DESI2: variants seen among roughly 807,000 people sequenced by gnomAD.
The protein encoded by DESI2 is desumoylating isopeptidase 2.
In DESI2, 10 loss-of-function variants were observed where a neutral mutation model predicts 24.1. That is an observed-to-expected ratio of 0.41 (90% CI 0.26 to 0.70). The LOEUF (loss-of-function observed/expected upper bound fraction) is 0.70, where lower values mean the gene tolerates loss of function less well. DESI2 is among the 30% of genes least tolerant of loss of function. The pLI is 0.29. For missense variants in DESI2, 122 were observed against 234.9 expected (o/e 0.52, Z 3.14); for synonymous variants, 71 against 87.7 (o/e 0.81, Z 1.06).
At chr1:244,659,203 T>G (rs920546419) in intron 1 of DESI2, among the ~76,000 whole-genome samples, 7 of 145,074 alleles carry the variant, frequency 4.8e-5, no homozygotes, top group Admixed American at 1.4e-4. Flanking sequence ...GGGAAGGGGG[T>G]GGGGGAAGCT....
intron 1 of DESI2, among the ~76,000 whole-genome samples, chr1:244,680,510 T>G (rs1290098427): frequency 6.6e-6 from 1 of 152,176 alleles, no homozygotes; most frequent in African/African-American, 2.4e-5. Context: ...TATGGTTGTC[T>G]TCTGGTTTAA....
chr1:244,674,084 TC>T (rs769916885), intron 1 of DESI2, among the ~76,000 whole-genome samples: 2 of 136,340 alleles, frequency 1.5e-5, no homozygotes, highest in Non-Finnish European at 3.1e-5. Context: ...AACCTCCGCC[TC>T]CCAGGTTCAA....
intron 1 of DESI2, among the ~76,000 whole-genome samples, chr1:244,661,496 G>A (rs932313493): frequency 1.3e-5 from 2 of 151,964 alleles, no homozygotes; most frequent in Admixed American, 1.3e-4. Flanking sequence ...TGCCGTGTTG[G>A]TGTGCTGCAC....
intron 1 of DESI2, among the ~76,000 whole-genome samples, chr1:244,672,591 G>A (rs1676282565): frequency 1.3e-5 from 2 of 152,092 alleles, no homozygotes; most frequent in Admixed American, 1.3e-4. Context: ...AAAATTAATA[G>A]CAGTTGGCCA....
chr1:244,700,777 CA>C (rs953803701), intron 4 of DESI2, among the ~76,000 whole-genome samples: 1 of 152,138 alleles, frequency 6.6e-6, no homozygotes, highest in African/African-American at 2.4e-5. Flanking sequence ...CAACAAGAAA[CA>C]TAATTGCTCA....
In DESI2 at chr1:244,653,492, G is replaced by A. The variant is rs146926193; in HGVS notation, c.42+137G>A. ...CTAGTTCTCGGGGGAAGCCGGGGGT[G>A]AAGGAGGGAGTATTGTTATTTTTTA... On this transcript the variant is annotated intron_variant, in intron 1 of 4. Transcript: ENST00000302550. The A allele has an allele frequency of 2.6e-3, 2,055 of 780,966 alleles. 28 individuals are homozygous for A. The African/African-American group carries it at 0.032, about 12-fold the overall frequency. The allele number at this position is 780,966 out of a possible 1,614,324, so 48.4% of individuals were successfully genotyped here. A position where few individuals can be genotyped will look rare whatever the true frequency, so the allele number is the denominator to read the frequency against.
chr1:244,654,192 G>T (rs981584537), intron 1 of DESI2, among the ~76,000 whole-genome samples: 2 of 152,210 alleles, frequency 1.3e-5, no homozygotes, highest in Admixed American at 6.5e-5. Flanking sequence ...GAGAATTGTC[G>T]TTGCAGTTAG....
intron 1 of DESI2, among the ~76,000 whole-genome samples, chr1:244,679,586 T>TCGC (rs1309385196): frequency 1.3e-5 from 2 of 152,196 alleles, no homozygotes; most frequent in African/African-American, 4.8e-5. Context: ...GAAGACATTT[T>TCGC]CTGGCTTGGC....
Position 244,706,882 on chromosome 1 carries a change from A to G in DESI2, c.*1093A>G, listed in dbSNP as rs530290643. On this transcript the variant is annotated 3_prime_UTR_variant, in exon 5 of 5. Coordinates refer to ENST00000302550, the MANE Select transcript of DESI2 (RefSeq NM_016076.5). ...AGTCTCATTGACCAATCGTTAAAAA[A>G]TCATATTTGTGTGTCTTAAGATTCA... 1 of 152,764 alleles carries G rather than the reference A, an allele frequency of 6.5e-6. No homozygotes were observed. The highest frequency in any genetic ancestry group is 2.1e-4 in the South Asian group (1 of 4,826). 9.5% of individuals were successfully genotyped at this position (152,764 alleles called of 1,614,324 possible). A position where few individuals can be genotyped will look rare whatever the true frequency, so the allele number is the denominator to read the frequency against.
At chr1:244,657,375 C>G (rs1176772074) in intron 1 of DESI2, among the ~76,000 whole-genome samples, 1 of 152,222 alleles carries the variant, frequency 6.6e-6, no homozygotes, top group Non-Finnish European at 1.5e-5. Flanking sequence ...TCTTCCCTTT[C>G]CTCCTGTCCA....
intron 1 of DESI2, among the ~76,000 whole-genome samples, chr1:244,667,522 C>T (rs1308918567): frequency 6.6e-6 from 1 of 152,134 alleles, no homozygotes; most frequent in East Asian, 1.9e-4. Context: ...TATTACTATT[C>T]CCATTTTAGA....
chr1:244,694,368 G>C (rs1677133811), intron 4 of DESI2: 1 of 612,808 alleles, frequency 1.6e-6, no homozygotes, highest in South Asian at 1.4e-5. Context: ...TCAAACTTTA[G>C]TATTCATAAA....
intron 1 of DESI2, among the ~76,000 whole-genome samples, chr1:244,671,164 C>G (rs890415765): frequency 6.6e-6 from 1 of 152,138 alleles, no homozygotes; most frequent in Non-Finnish European, 1.5e-5. Flanking sequence ...TACTGTTTTC[C>G]TTTGGTATGT....
rs1677739486 is a variant in DESI2 at position 244,707,163 on chromosome 1, T to C, written c.*1374T>C. ...ACTTCAGCTTTATATACATATAAAA[T>C]ATAGTTAGTTTTAAAATTATTGACA... is the stretch of plus-strand genomic sequence containing the variant. On this transcript the variant is annotated 3_prime_UTR_variant, in exon 5 of 5. Transcript: ENST00000302550. 6.6e-6 allele frequency: 1 copy of C among 152,614 alleles called. No individual in the cohort carries two copies. Among genetic ancestry groups the C allele is most frequent in the South Asian group, 2.1e-4 (1 of 4,836 alleles). 9.5% of individuals were successfully genotyped at this position (152,614 alleles called of 1,614,324 possible).
intron 1 of DESI2, among the ~76,000 whole-genome samples, chr1:244,655,020 G>A (rs1023525184): frequency 6.6e-6 from 1 of 152,170 alleles, no homozygotes; most frequent in Non-Finnish European, 1.5e-5. Flanking sequence ...AAACGAAAAT[G>A]CATGTTTTGG....
At chr1:244,693,826 G>T (rs995477738) in intron 4 of DESI2, among the ~76,000 whole-genome samples, 1 of 152,228 alleles carries the variant, frequency 6.6e-6, no homozygotes, top group Admixed American at 6.5e-5. Flanking sequence ...TAGAATTCTG[G>T]ATAGTGAGGG....
chr1:244,701,393 A>G (rs1273190737), intron 4 of DESI2, among the ~76,000 whole-genome samples: 2 of 152,134 alleles, frequency 1.3e-5, no homozygotes, highest in African/African-American at 2.4e-5. Flanking sequence ...GAGATCCACA[A>G]TGTTTGGAGA....
At position 244,689,471 on chromosome 1, in the gene DESI2, A is replaced by T. The variant is rs1676943246; in HGVS notation, c.209+129A>T. 2 of 567,814 alleles carry T rather than the reference A, an allele frequency of 3.5e-6. No individual in the cohort carries two copies. The highest frequency in any genetic ancestry group is 7.0e-5 in the Admixed American group (2 of 28,490). 35.2% of individuals were successfully genotyped at this position (567,814 alleles called of 1,614,324 possible). ...AAATGTCTCTTTGTTTTAATTGCTG[A>T]CATTTTATATAACTCAAGTTTGCCT... On this transcript the variant is annotated intron_variant, in intron 3 of 4. Coordinates refer to ENST00000302550, the MANE Select transcript of DESI2 (RefSeq NM_016076.5). This position sits in a 1 kb window ranked among gnomAD's most constrained non-coding sequence, Gnocchi z 4.0.
chr1:244,698,857 C>A (rs1468172607), intron 4 of DESI2, among the ~76,000 whole-genome samples: 1 of 152,188 alleles, frequency 6.6e-6, no homozygotes, highest in Non-Finnish European at 1.5e-5. Context: ...AACTGCTGAT[C>A]TGTTCTGTAT....
Sources: gnomAD v4.1 joint callset for allele counts (sites outside exome capture counted in the v4.1 genomes callset) on GRCh38, gnomAD v4.1.1 for gene constraint, Gnocchi (gnomAD v3.1) non-coding constraint, MANE v1.5 for transcripts, NCBI Gene and HGNC (gene_info 2026-07-23, HGNC 2026-07-21) for gene names.